MAML2: variants seen among roughly 807,000 people sequenced by gnomAD.
The protein encoded by MAML2 is mastermind like transcriptional coactivator 2.
A neutral mutation model predicts 96.1 loss-of-function variants in MAML2; 22 were observed. The observed-to-expected ratio is 0.23, with a 90% CI of 0.16 to 0.33. The LOEUF (loss-of-function observed/expected upper bound fraction) is 0.33, where lower values mean the gene tolerates loss of function less well. MAML2 is among the 10% of genes least tolerant of loss of function. The probability of loss-of-function intolerance (pLI) is 1.00; values close to 1 mark genes in which losing one functional copy is unlikely to be tolerated. For missense variants in MAML2, 1,367 were observed against 1,392.4 expected (o/e 0.98, Z 0.29); for synonymous variants, 561 against 521.3 (o/e 1.08, Z -1.04).
intron 2 of MAML2, among the ~76,000 whole-genome samples, chr11:96,088,437 A>T (rs1361584959): frequency 6.6e-6 from 1 of 152,230 alleles, no homozygotes; most frequent in African/African-American, 2.4e-5. Flanking sequence ...TTAAACCCTC[A>T]TGAGCCCTGA....
intron 1 of MAML2, among the ~76,000 whole-genome samples, chr11:96,255,041 C>T (rs149152473): frequency 3.9e-5 from 6 of 152,078 alleles, no homozygotes; most frequent in East Asian, 1.9e-4. Flanking sequence ...CATGCTGGTC[C>T]GGAACTCCTG....
At chr11:96,236,371 G>A (rs532010785) in intron 1 of MAML2, among the ~76,000 whole-genome samples, 1 of 152,180 alleles carries the variant, frequency 6.6e-6, no homozygotes, top group Non-Finnish European at 1.5e-5. Flanking sequence ...GCTTTAAATA[G>A]AGATCAGAAA....
At chr11:95,982,669 A>T in intron 4 of MAML2, among the ~76,000 whole-genome samples, 1 of 152,206 alleles carries the variant, frequency 6.6e-6, no homozygotes, top group East Asian at 1.9e-4. Context: ...TGTGTATAGT[A>T]TTCCAAAGGG....
chr11:96,173,588 A>T (rs1861334930), intron 1 of MAML2, among the ~76,000 whole-genome samples: 1 of 152,220 alleles, frequency 6.6e-6, no homozygotes, highest in Non-Finnish European at 1.5e-5. Flanking sequence ...AGAAGTATGA[A>T]AGGGGCAGAA....
chr11:96,098,869 A>G (rs1859876890), intron 1 of MAML2, among the ~76,000 whole-genome samples: 1 of 152,246 alleles, frequency 6.6e-6, no homozygotes, highest in African/African-American at 2.4e-5. Context: ...GCTATGCTTC[A>G]CTTTTCCAAA....
intron 1 of MAML2, among the ~76,000 whole-genome samples, chr11:96,176,938 C>T (rs868064820): frequency 6.6e-6 from 1 of 152,116 alleles, no homozygotes; most frequent in Non-Finnish European, 1.5e-5. Flanking sequence ...AAGCACCATC[C>T]TAGGCACTAA....
chr11:96,028,872 C>A (rs1202991654), intron 2 of MAML2, among the ~76,000 whole-genome samples: 1 of 152,102 alleles, frequency 6.6e-6, no homozygotes, highest in African/African-American at 2.4e-5. Context: ...ATAGTAACAT[C>A]CTATATTCTT....
chr11:96,228,867 G>C (rs1037575471), intron 1 of MAML2, among the ~76,000 whole-genome samples: 2 of 152,090 alleles, frequency 1.3e-5, no homozygotes, highest in Non-Finnish European at 2.9e-5. Flanking sequence ...AGAGCACTAG[G>C]CTCTCCTTTA....
chr11:96,288,831 C>G (rs1294194589), intron 1 of MAML2, among the ~76,000 whole-genome samples: 2 of 152,132 alleles, frequency 1.3e-5, no homozygotes, highest in Non-Finnish European at 2.9e-5. Context: ...TAAGGTAATT[C>G]TGGAATGATG....
At chr11:96,171,073 G>A (rs1217782195) in intron 1 of MAML2, among the ~76,000 whole-genome samples, 2 of 151,812 alleles carry the variant, frequency 1.3e-5, no homozygotes, top group Admixed American at 1.3e-4. Flanking sequence ...TTGAGCCCTG[G>A]GTTCCCACTT....
At position 96,246,271 on chromosome 11, in the gene MAML2, A is replaced by G. The variant is rs560843276; in HGVS notation, c.513+95112T>C. 7.2e-5 allele frequency among the ~76,000 whole-genome samples: 11 copies of G among 152,224 alleles called. No homozygotes were observed. The South Asian group carries it at 2.3e-3, about 32-fold the overall frequency. On this transcript the variant is annotated intron_variant, in intron 1 of 4. Transcript: ENST00000524717. ...GAAAGTCATTTCCTCTACAGAGCATATCATTCATCCCTTCAACAGGCATTT... is the reference window on the plus strand; with the variant it reads ...GAAAGTCATTTCCTCTACAGAGCATGTCATTCATCCCTTCAACAGGCATTT...
intron 4 of MAML2, among the ~76,000 whole-genome samples, chr11:95,982,624 G>A (rs1016956878): frequency 2.6e-5 from 4 of 152,154 alleles, no homozygotes; most frequent in Non-Finnish European, 5.9e-5. Context: ...TTTTATGTGA[G>A]TAGGAAAAGA....
chr11:96,158,832 T>C (rs1416658684), intron 1 of MAML2, among the ~76,000 whole-genome samples: 1 of 152,170 alleles, frequency 6.6e-6, no homozygotes, highest in East Asian at 1.9e-4. Flanking sequence ...GACTTACCTT[T>C]CAGGAAAGGA....
At chr11:96,246,497 T>C (rs1316941509) in intron 1 of MAML2, among the ~76,000 whole-genome samples, 2 of 152,082 alleles carry the variant, frequency 1.3e-5, no homozygotes, top group African/African-American at 4.8e-5. Context: ...AGAGAGGAGA[T>C]GGCATGCGAT....
intron 1 of MAML2, among the ~76,000 whole-genome samples, chr11:96,334,905 G>A (rs551589269): frequency 4.8e-4 from 73 of 152,302 alleles, no homozygotes; most frequent in African/African-American, 1.7e-3. Flanking sequence ...TCCTCAACCT[G>A]TGGAGAATAT....
At chr11:96,302,693 G>T (rs1863405066) in intron 1 of MAML2, among the ~76,000 whole-genome samples, 1 of 151,970 alleles carries the variant, frequency 6.6e-6, no homozygotes, top group East Asian at 1.9e-4. Flanking sequence ...CTTTTCTTGG[G>T]TTGCACAGAA....
chr11:96,097,553 G>T (rs796247021), intron 1 of MAML2, among the ~76,000 whole-genome samples: 1 of 152,114 alleles, frequency 6.6e-6, no homozygotes, highest in Non-Finnish European at 1.5e-5. Flanking sequence ...TCACCCAAGG[G>T]CTGACCTACC....
At chr11:96,227,470 A>T (rs1005230349) in intron 1 of MAML2, among the ~76,000 whole-genome samples, 2 of 152,208 alleles carry the variant, frequency 1.3e-5, no homozygotes, top group African/African-American at 4.8e-5. Flanking sequence ...TGCCTGGCAC[A>T]CTGTGGTTGC....
At chr11:96,126,854 A>C (rs763068699) in intron 1 of MAML2, among the ~76,000 whole-genome samples, 9 of 152,246 alleles carry the variant, frequency 5.9e-5, no homozygotes, top group Middle Eastern at 3.2e-3. Flanking sequence ...GGTGAACAAC[A>C]CAAAAAAACA....
Sources: allele counts gnomAD v4.1 joint callset (sites outside exome capture counted in the v4.1 genomes callset), GRCh38; gene constraint gnomAD v4.1.1; transcripts MANE v1.5; gene names NCBI Gene and HGNC (gene_info 2026-07-23, HGNC 2026-07-21).